The following ZYG11A variants were observed in gnomAD, a reference collection of about 807,000 sequenced individuals.
ZYG11A encodes zyg-11 family member A, cell cycle regulator, also known as protein zyg-11 homolog A.
ZYG11A carries 62 observed loss-of-function variants against 77.2 expected under a neutral mutation model. The ratio of observed to expected loss-of-function variants is 0.80; its 90% confidence interval spans 0.65 to 0.99. ZYG11A has a LOEUF of 0.99. Ranked by LOEUF, ZYG11A falls within the 50% of genes least tolerant of loss-of-function variation. ZYG11A has a pLI of 0.00. For missense variants in ZYG11A, 828 were observed against 896.8 expected, an observed-to-expected ratio of 0.92 and a Z score of 0.98; for synonymous variants, 315 against 324.6, an observed-to-expected ratio of 0.97 and a Z score of 0.32.
intron 8 of ZYG11A, among the ~76,000 whole-genome samples, chr1:52,868,699 ATT>A (rs898016797): frequency 2.6e-5 from 4 of 152,102 alleles, no homozygotes; most frequent in Non-Finnish European, 5.9e-5. Context: ...AGGCACGAGG[ATT>A]GTTTGAGCCC....
chr1:52,882,250 GA>G (rs1490716143), intron 11 of ZYG11A, among the ~76,000 whole-genome samples: 2 of 151,996 alleles, frequency 1.3e-5, no homozygotes, highest in Non-Finnish European at 2.9e-5. Context: ...ATCGCTTTAG[GA>G]ATCTATCAAT....
At chr1:52,851,262 T>G (rs1007175083) in intron 1 of ZYG11A, among the ~76,000 whole-genome samples, 2 of 152,110 alleles carry the variant, frequency 1.3e-5, no homozygotes, top group Non-Finnish European at 2.9e-5. Context: ...CCACATCTGG[T>G]CTTGAACTCC....
chr1:52,849,886 G>T (rs1327242154), intron 1 of ZYG11A, among the ~76,000 whole-genome samples: 1 of 151,178 alleles, frequency 6.6e-6, no homozygotes, highest in African/African-American at 2.4e-5. Flanking sequence ...GGGTTTCACC[G>T]TGTTAGCCAG....
chr1:52,845,512 C>T (rs1237479266), intron 1 of ZYG11A, among the ~76,000 whole-genome samples: 15 of 151,474 alleles, frequency 9.9e-5, no homozygotes, highest in Non-Finnish European at 1.9e-4. Flanking sequence ...TTTGTAGAGG[C>T]GGGGTTTCAC....
chr1:52,848,455 G>A (rs1049745019), intron 1 of ZYG11A, among the ~76,000 whole-genome samples: 4 of 152,020 alleles, frequency 2.6e-5, no homozygotes, highest in East Asian at 1.9e-4. Flanking sequence ...TTTTGCTTCC[G>A]AAATCAGTGG....
At chr1:52,870,340 G>T (rs1646132720) in intron 8 of ZYG11A, among the ~76,000 whole-genome samples, 1 of 151,296 alleles carries the variant, frequency 6.6e-6, no homozygotes. Context: ...TCCTAGACAG[G>T]ATGGTGGCCG....
rs1259843657 is a variant in ZYG11A at position 52,857,766 on chromosome 1, A to G, written c.1008+17A>G. On this transcript the variant is annotated intron_variant, in intron 3 of 13. Coordinates refer to ENST00000371528, the MANE Select transcript of ZYG11A (RefSeq NM_001004339.3). ...GGCTTGAGGGTTTGTTCTTATCTGA[A>G]TAAGTTTTGTTTCATTTGTTTAGAA... The G allele has an allele frequency of 1.3e-6, 2 of 1,510,346 alleles. No homozygotes were observed. The highest frequency in any genetic ancestry group is 2.5e-5 in the East Asian group (1 of 40,566). The allele number at this position is 1,510,346 out of a possible 1,614,324, so 93.6% of individuals were successfully genotyped here.
intron 5 of ZYG11A, 33 bp downstream of exon 5, chr1:52,864,190 T>G: frequency 6.5e-7 from 1 of 1,543,670 alleles, no homozygotes; most frequent in Non-Finnish European, 8.8e-7. Flanking sequence ...TTGTGCTTTT[T>G]TTGTTGTTGT....
intron 11 of ZYG11A, among the ~76,000 whole-genome samples, chr1:52,885,320 G>GTTTTGTTTTT (rs200694125): frequency 1.3e-5 from 1 of 75,012 alleles, no homozygotes; most frequent in South Asian, 4.1e-4. Flanking sequence ...TTTTTGTTTT[G>GTTTTGTTTTT]TGTTTTGTTT....
At chr1:52,852,028 C>T (rs1042395886) in intron 1 of ZYG11A, among the ~76,000 whole-genome samples, 1 of 151,872 alleles carries the variant, frequency 6.6e-6, no homozygotes, top group Non-Finnish European at 1.5e-5. Context: ...GATTCTCCTG[C>T]CTCTGCCTCC....
intron 11 of ZYG11A, among the ~76,000 whole-genome samples, chr1:52,885,488 G>A (rs1451396294): frequency 6.6e-6 from 1 of 152,178 alleles, no homozygotes; most frequent in Non-Finnish European, 1.5e-5. Context: ...ACAGGCGTGA[G>A]CCACTGTGCC....
chr1:52,871,465 T>C (rs2150010054), intron 8 of ZYG11A, among the ~76,000 whole-genome samples: 1 of 152,208 alleles, frequency 6.6e-6, no homozygotes, highest in Non-Finnish European at 1.5e-5. Context: ...TTCTGTTCCA[T>C]TAATTTGCAT....
chr1:52,879,377 G>T (rs1025611455), intron 10 of ZYG11A, among the ~76,000 whole-genome samples: 9 of 152,138 alleles, frequency 5.9e-5, no homozygotes. Context: ...CTTGGTTCTA[G>T]GTCCTGAACT....
At chr1:52,887,411 C>G (rs1000445979) in intron 13 of ZYG11A, among the ~76,000 whole-genome samples, 15 of 152,092 alleles carry the variant, frequency 9.9e-5, no homozygotes, top group African/African-American at 3.6e-4. Flanking sequence ...TGGGCTCATT[C>G]TGTGCATGCT....
At chr1:52,887,794 A>G (rs573453163) in intron 13 of ZYG11A, among the ~76,000 whole-genome samples, 1 of 152,252 alleles carries the variant, frequency 6.6e-6, no homozygotes, top group Non-Finnish European at 1.5e-5. Flanking sequence ...GTATCCCTTA[A>G]GCTCAGGATT....
chr1:52,873,566 A>G (rs1344325089), intron 8 of ZYG11A, among the ~76,000 whole-genome samples: 2 of 152,240 alleles, frequency 1.3e-5, no homozygotes, highest in East Asian at 3.8e-4. Flanking sequence ...ATATTTTGAG[A>G]TGGAATCTAG....
chr1:52,871,080 C>G (rs561201071), intron 8 of ZYG11A, among the ~76,000 whole-genome samples: 19 of 152,156 alleles, frequency 1.2e-4, no homozygotes, highest in African/African-American at 4.3e-4. Flanking sequence ...CATCTGGGAT[C>G]GATGGCACAC....
intron 8 of ZYG11A, among the ~76,000 whole-genome samples, chr1:52,868,491 A>G (rs567053870): frequency 4.6e-5 from 7 of 152,198 alleles, no homozygotes; most frequent in Non-Finnish European, 1.0e-4. Flanking sequence ...TAAAAAATTT[A>G]TATCACTGGG....
intron 8 of ZYG11A, among the ~76,000 whole-genome samples, chr1:52,874,869 A>G (rs999697008): frequency 6.6e-6 from 1 of 152,242 alleles, no homozygotes; most frequent in African/African-American, 2.4e-5. Flanking sequence ...TGTCTCAAAA[A>G]AAAAGGTATC....
Sources: allele counts gnomAD v4.1 joint callset (sites outside exome capture counted in the v4.1 genomes callset), GRCh38; gene constraint gnomAD v4.1.1; transcripts MANE v1.5; gene names NCBI Gene and HGNC (gene_info 2026-07-23, HGNC 2026-07-21).